Variants in EMC8 observed in about 807,000 individuals in gnomAD.
The protein encoded by EMC8 is ER membrane protein complex subunit 8.
Under a neutral mutation model 24.3 loss-of-function variants are expected in EMC8, and 11 were observed. The ratio of observed to expected loss-of-function variants is 0.45; its 90% confidence interval spans 0.28 to 0.75. EMC8 has a LOEUF of 0.75. Among genes scored for constraint, EMC8 ranks in the 30% least tolerant of loss-of-function variants. The pLI is 0.12. For synonymous variants in EMC8, 145 were observed against 117.7 expected (o/e 1.23, Z -1.50); for missense variants, 277 against 282.7 (o/e 0.98, Z 0.14).
rs150142897 is a variant in EMC8, at chr16:85,799,292, G to A, written c.4C>T (p.Pro2Ser). ...GCCTGGGTGGTCAGTTTCACCCCGG[G>A]CATGCTGACCCGGGAGGGCCCCGGA... M[P>S]GVKLTTQAYC... Residue 2 changes from proline to serine, a missense_variant, in exon 1 of 5, where the codon CCC (proline) becomes TCC (serine). Pro to Ser is a moderately conservative substitution (Grantham distance 74). Transcript: ENST00000253457. The surrounding 1 kb of genome is among the most constrained non-coding windows in gnomAD (Gnocchi z 4.2). 16 of 1,599,514 alleles carry A rather than the reference G, an allele frequency of 1.0e-5. No homozygotes were observed. The highest frequency in any genetic ancestry group is 1.3e-5 in the African/African-American group (1 of 74,458).
intron 4 of EMC8, 143 bp from the exon 5 acceptor site, chr16:85,780,010 C>T: frequency 2.9e-6 from 2 of 679,562 alleles, no homozygotes; most frequent in Non-Finnish European, 5.1e-6. Context: ...ATTTCAAACG[C>T]ATGAAGAGGT....
intron 2 of EMC8, among the ~76,000 whole-genome samples, chr16:85,783,131 T>C (rs1369604433): frequency 6.6e-6 from 1 of 152,114 alleles, no homozygotes; most frequent in Non-Finnish European, 1.5e-5. Context: ...GGTGAAACCC[T>C]GTCTCTACTA....
intron 1 of EMC8, among the ~76,000 whole-genome samples, chr16:85,795,487 C>G (rs891908849): frequency 6.6e-6 from 1 of 152,186 alleles, no homozygotes; most frequent in Non-Finnish European, 1.5e-5. Flanking sequence ...AGGACCCCAC[C>G]TTCTCCTGCC....
intron 2 of EMC8, among the ~76,000 whole-genome samples, chr16:85,785,348 T>C (rs1040876374): frequency 1.3e-5 from 2 of 152,112 alleles, no homozygotes; most frequent in African/African-American, 4.8e-5. Context: ...GGTGGGTGGA[T>C]CACTTGAGGT....
intron 1 of EMC8, among the ~76,000 whole-genome samples, chr16:85,793,760 C>A (rs1450406123): frequency 6.6e-6 from 1 of 152,196 alleles, no homozygotes; most frequent in African/African-American, 2.4e-5. Flanking sequence ...TAGAAATCAA[C>A]AAGGGGAAAA....
chr16:85,796,585 A>G (rs777445365), intron 1 of EMC8, among the ~76,000 whole-genome samples: 2 of 152,186 alleles, frequency 1.3e-5, no homozygotes, highest in Non-Finnish European at 2.9e-5. Flanking sequence ...CAAGGTCACT[A>G]CAAAGCAATC....
At chr16:85,798,074 A>C (rs918819064) in intron 1 of EMC8, among the ~76,000 whole-genome samples, 3 of 149,948 alleles carry the variant, frequency 2.0e-5, no homozygotes, top group African/African-American at 7.4e-5. Context: ...AGCGTGTTGG[A>C]CAGATCGTCT....
rs1251128560 is a variant in EMC8 at position 85,780,856 on chromosome 16, T to C, written c.378+355A>G. On this transcript the variant is annotated intron_variant, in intron 3 of 4. Transcript: ENST00000253457. ...AATTGTGCTTCTCACACTTGGCATGTTCAGACCAGAATCATCTAGAAGGTG... is the reference window on the plus strand; with the variant it reads ...AATTGTGCTTCTCACACTTGGCATGCTCAGACCAGAATCATCTAGAAGGTG... 1.1e-5 allele frequency: 5 copies of C among 442,180 alleles called. No homozygotes were observed. In the Admixed American group the frequency reaches 1.5e-4, roughly 13 times the overall value. The allele number at this position is 442,180 out of a possible 1,614,324, so 27.4% of individuals were successfully genotyped here. A position where few individuals can be genotyped will look rare whatever the true frequency, so the allele number is the denominator to read the frequency against.
intron 1 of EMC8, among the ~76,000 whole-genome samples, chr16:85,789,825 C>G (rs1012684034): frequency 2.1e-5 from 3 of 143,184 alleles, no homozygotes; most frequent in African/African-American, 9.0e-5. Context: ...GTCTTTTATA[C>G]TCCATCTCAG....
chr16:85,784,122 C>T (rs1904639784), intron 2 of EMC8, among the ~76,000 whole-genome samples: 2 of 152,210 alleles, frequency 1.3e-5, no homozygotes, highest in South Asian at 4.1e-4. Context: ...CCTCAGCCTC[C>T]CAAGTAGCTG....
chr16:85,781,190 T>C, intron 3 of EMC8, 21 bp downstream of exon 3: 1 of 1,604,956 alleles, frequency 6.2e-7, no homozygotes, highest in Non-Finnish European at 8.5e-7. Context: ...GCCTCCCACA[T>C]GCTGCACAGA....
chr16:85,796,359 T>C (rs912536234), intron 1 of EMC8, among the ~76,000 whole-genome samples: 2 of 152,158 alleles, frequency 1.3e-5, no homozygotes, highest in Non-Finnish European at 1.5e-5. Flanking sequence ...CTGTGGATTC[T>C]CCCACCTGCT....
Position 85,780,051 on chromosome 16 carries a change from T to G in EMC8, c.474-184A>C, listed in dbSNP as rs151145335. ...GAGCATAGAAGACATGGTTAATACA[T>G]GGAAGGGACGCCTTTCACGTGGAAT... is the stretch of plus-strand genomic sequence containing the variant. On this transcript the variant is annotated intron_variant, in intron 4 of 4. Transcript: ENST00000253457. 2.6e-5 allele frequency: 16 copies of G among 612,160 alleles called. No homozygotes were observed. In the African/African-American group the frequency reaches 3.0e-4, roughly 11 times the overall value. The allele number at this position is 612,160 out of a possible 1,614,324, so 37.9% of individuals were successfully genotyped here.
chr16:85,788,989 C>A lies in EMC8; in HGVS notation c.293G>T (p.Arg98Leu). 1 of 1,613,322 alleles carries A rather than the reference C, an allele frequency of 6.2e-7. No homozygotes were observed. The highest frequency in any genetic ancestry group is 8.5e-7 in the Non-Finnish European group (1 of 1,179,262). The change falls in exon 2 of 5, where the codon CGA becomes CTA. Residue 98 changes from arginine to leucine, a missense_variant. Physicochemically the swap from Arg to Leu is moderately radical, Grantham distance 102. Transcript: ENST00000253457. ...ATCCACGTACCTGGCATCCTTTACT[C>A]GCTCATTAGCTTGATAATAACCAGC... ...VIAGYYQANE[R>L]VKDASPNQVA...
chr16:85,779,918 T>C, intron 4 of EMC8, 51 bp from the exon 5 acceptor site: 2 of 1,561,328 alleles, frequency 1.3e-6, no homozygotes, highest in Non-Finnish European at 1.8e-6. Flanking sequence ...AACGGGCGGC[T>C]TGTAACAGCA....
chr16:85,790,149 GA>G, intron 1 of EMC8, among the ~76,000 whole-genome samples: 1 of 146,626 alleles, frequency 6.8e-6, no homozygotes, highest in East Asian at 1.9e-4. Context: ...TTGGTACCTT[GA>G]TTTTTTTTTT....
At chr16:85,783,591 G>A (rs974814367) in intron 2 of EMC8, among the ~76,000 whole-genome samples, 6 of 152,202 alleles carry the variant, frequency 3.9e-5, no homozygotes, top group African/African-American at 1.4e-4. Context: ...GATGAAGGCT[G>A]CTATTCTCAG....
intron 2 of EMC8, among the ~76,000 whole-genome samples, chr16:85,782,110 T>G (rs1389238380): frequency 3.3e-5 from 5 of 152,192 alleles, no homozygotes; most frequent in Non-Finnish European, 7.3e-5. Flanking sequence ...AAGCGGGCAG[T>G]GAAACTGCTG....
At chr16:85,786,107 G>C (rs1016789300) in intron 2 of EMC8, among the ~76,000 whole-genome samples, 2 of 152,180 alleles carry the variant, frequency 1.3e-5, no homozygotes, top group African/African-American at 4.8e-5. Context: ...CCAAGCACAA[G>C]GACAAACACA....
Sources: gnomAD v4.1 joint callset for allele counts (sites outside exome capture counted in the v4.1 genomes callset) on GRCh38, gnomAD v4.1.1 for gene constraint, Gnocchi (gnomAD v3.1) non-coding constraint, MANE v1.5 for transcripts, NCBI Gene and HGNC (gene_info 2026-07-23, HGNC 2026-07-21) for gene names.